The following SHISA9 variants were observed in gnomAD, a reference collection of about 807,000 sequenced individuals.
SHISA9 encodes shisa family member 9.
A neutral mutation model predicts 38.0 loss-of-function variants in SHISA9; 13 were observed. That is an observed-to-expected ratio of 0.34 (90% CI 0.22 to 0.54). The LOEUF (loss-of-function observed/expected upper bound fraction) is 0.54. Among genes scored for constraint, SHISA9 ranks in the 20% least tolerant of loss-of-function variants. The probability of loss-of-function intolerance (pLI) is 0.91; values close to 1 mark genes in which losing one functional copy is unlikely to be tolerated. For missense variants in SHISA9, 538 were observed against 575.8 expected (o/e 0.93, Z 0.67); for synonymous variants, 275 against 242.0 (o/e 1.14, Z -1.27).
the SHISA9 span, among the ~76,000 whole-genome samples, chr16:13,403,132 A>C: frequency 2.0e-5 from 3 of 152,024 alleles, no homozygotes; most frequent in Non-Finnish European, 4.4e-5. Flanking sequence ...AAACCAAAGA[A>C]ATTTCTGTTG....
chr16:12,939,815 A>C (rs2071585352), intron 2 of SHISA9, among the ~76,000 whole-genome samples: 1 of 152,204 alleles, frequency 6.6e-6, no homozygotes, highest in East Asian at 1.9e-4. Context: ...GATTCTCTGC[A>C]AGTGCTTGTT....
the SHISA9 span, among the ~76,000 whole-genome samples, chr16:13,302,172 C>A: frequency 6.6e-6 from 1 of 152,108 alleles, no homozygotes; most frequent in African/African-American, 2.4e-5. Flanking sequence ...TAAAGGGAAA[C>A]TTGGAAAGCC....
At chr16:13,323,695 G>A in the SHISA9 span, among the ~76,000 whole-genome samples, 6 of 152,174 alleles carry the variant, frequency 3.9e-5, no homozygotes, top group Admixed American at 2.0e-4. Flanking sequence ...TCACAAGGTG[G>A]CAGGAAGAAG....
chr16:13,078,201 C>G (rs956635337), intron 2 of SHISA9, among the ~76,000 whole-genome samples: 1 of 152,164 alleles, frequency 6.6e-6, no homozygotes, highest in African/African-American at 2.4e-5. Context: ...CCAGGACCCC[C>G]CAAGGATACC....
At chr16:13,461,623 A>T in the SHISA9 span, among the ~76,000 whole-genome samples, 424 of 106,862 alleles carry the variant, frequency 4.0e-3, no homozygotes, top group Middle Eastern at 0.013. Context: ...TTTTTTTTTA[A>T]TTTTTTTTTT....
chr16:13,146,640 T>C (rs2050449674), intron 2 of SHISA9, among the ~76,000 whole-genome samples: 1 of 152,216 alleles, frequency 6.6e-6, no homozygotes, highest in Non-Finnish European at 1.5e-5. Context: ...AGGCAATATC[T>C]CATTCAACCC....
At chr16:13,466,381 T>C in the SHISA9 span, among the ~76,000 whole-genome samples, 2 of 152,166 alleles carry the variant, frequency 1.3e-5, no homozygotes, top group Non-Finnish European at 2.9e-5. Context: ...CGTTAGGGCA[T>C]CCCTTAAAAT....
chr16:13,406,998 G>T, the SHISA9 span, among the ~76,000 whole-genome samples: 1 of 149,590 alleles, frequency 6.7e-6, no homozygotes, highest in South Asian at 2.1e-4. Flanking sequence ...AATCTGGGAG[G>T]CAGAGGTTGC....
At chr16:13,361,306 A>G in the SHISA9 span, among the ~76,000 whole-genome samples, 22 of 152,172 alleles carry the variant, frequency 1.4e-4, no homozygotes, top group South Asian at 6.2e-4. Flanking sequence ...AGCGTCATCC[A>G]TTTCAATTAA....
At chr16:13,451,573 C>CTTTTCA in the SHISA9 span, among the ~76,000 whole-genome samples, 2 of 152,158 alleles carry the variant, frequency 1.3e-5, no homozygotes, top group African/African-American at 4.8e-5. Flanking sequence ...GGCCTTCAAA[C>CTTTTCA]TGAAGATCGG....
chr16:13,306,205 G>T, the SHISA9 span, among the ~76,000 whole-genome samples: 1 of 152,192 alleles, frequency 6.6e-6, no homozygotes, highest in Non-Finnish European at 1.5e-5. Context: ...TACAGGAAAT[G>T]GGGTTATCAT....
the SHISA9 span, among the ~76,000 whole-genome samples, chr16:13,396,505 C>G: frequency 6.6e-6 from 1 of 152,120 alleles, no homozygotes; most frequent in Non-Finnish European, 1.5e-5. Flanking sequence ...ACTCCCCGAC[C>G]CTCAACCAGA....
intron 2 of SHISA9, among the ~76,000 whole-genome samples, chr16:12,992,406 C>G (rs953326496): frequency 6.6e-6 from 1 of 150,574 alleles, no homozygotes; most frequent in Admixed American, 6.6e-5. Flanking sequence ...GTGGCACATT[C>G]TTGTAATCCC....
At chr16:12,923,269 C>T (rs1596531173) in intron 2 of SHISA9, among the ~76,000 whole-genome samples, 1 of 152,192 alleles carries the variant, frequency 6.6e-6, no homozygotes, top group South Asian at 2.1e-4. Flanking sequence ...GTGGCTCACA[C>T]GTGTAATCCC....
the SHISA9 span, among the ~76,000 whole-genome samples, chr16:13,340,533 G>A: frequency 6.6e-6 from 1 of 152,142 alleles, no homozygotes; most frequent in Non-Finnish European, 1.5e-5. Context: ...GATCAAAACT[G>A]TCCCAGTCAG....
intron 2 of SHISA9, among the ~76,000 whole-genome samples, chr16:13,086,971 AC>A (rs1221018231): frequency 5.3e-5 from 2 of 37,598 alleles, no homozygotes; most frequent in East Asian, 1.7e-3. Context: ...CAAGCCCCCC[AC>A]CCCCCAACAG....
the SHISA9 span, among the ~76,000 whole-genome samples, chr16:13,434,419 G>GTTTTTTTTTTGTTTTTT: frequency 9.3e-5 from 6 of 64,566 alleles, 1 homozygote; most frequent in Non-Finnish European, 1.9e-4. Flanking sequence ...GACAAGCTAT[G>GTTTTTTTTTTGTTTTTT]TTTTTTTTTT....
intron 4 of SHISA9, among the ~76,000 whole-genome samples, chr16:13,222,344 C>T (rs1368552601): frequency 1.3e-5 from 2 of 152,312 alleles, no homozygotes; most frequent in Non-Finnish European, 2.9e-5. Context: ...ACCCAGGTTC[C>T]TCCAACCTTG....
chr16:12,909,728 G>A (rs2071155025), intron 1 of SHISA9: 1 of 321,922 alleles, frequency 3.1e-6, no homozygotes, highest in African/African-American at 2.2e-5. Flanking sequence ...CCATCACCCA[G>A]TCAGTGTTAT....
Sources: gnomAD v4.1 joint callset for allele counts (sites outside exome capture counted in the v4.1 genomes callset) on GRCh38, gnomAD v4.1.1 for gene constraint, MANE v1.5 for transcripts, NCBI Gene and HGNC (gene_info 2026-07-23, HGNC 2026-07-21) for gene names.